The following PBRM1 variants were observed in gnomAD, a reference collection of about 807,000 sequenced individuals.
PBRM1 encodes the protein polybromo 1, also known as protein polybromo-1.
PBRM1 carries 27 observed loss-of-function variants against 194.5 expected under a neutral mutation model. That is an observed-to-expected ratio of 0.14 (90% confidence interval 0.10 to 0.19). The LOEUF (loss-of-function observed/expected upper bound fraction) is 0.19, where lower values mean the gene tolerates loss of function less well. Among genes scored for constraint, PBRM1 ranks in the 10% least tolerant of loss-of-function variants. The pLI, the probability that PBRM1 is intolerant of heterozygous loss-of-function variation, is 1.00. For synonymous variants in PBRM1, 655 were observed against 693.2 expected (o/e 0.94, Z 0.87); for missense variants, 1,466 against 2,077.2 (o/e 0.71, Z 5.72).
In PBRM1 at chr3:52,609,743, T is replaced by C. The variant is rs2094518225; in HGVS notation, c.2137A>G (p.Met713Val). The change falls in exon 16 of 30, where the codon ATG (methionine) becomes GTG (valine). Residue 713 changes from methionine to valine, a missense_variant. Physicochemically the swap from Met to Val is conservative, Grantham distance 21. This residue lies in a region of PBRM1 where 687 missense variants were observed against 946.2 expected (regional missense o/e 0.73). Coordinates refer to ENST00000296302, the Ensembl canonical transcript of PBRM1. The surrounding 1 kb of genome is among the most constrained non-coding windows in gnomAD (Gnocchi z 4.1). ...ATATCTTGGTACTTGTTGGCCATCA[T>C]GTGACTTCGAATTTTTTCCATGTCC... The C allele has an allele frequency of 1.9e-6, 3 of 1,608,120 alleles. No individual in the cohort carries two copies. Among genetic ancestry groups the C allele is most frequent in the Non-Finnish European group, 2.5e-6 (3 of 1,177,978 alleles).
rs368376219 is a variant in PBRM1 at position 52,586,693 on chromosome 3, G to C, written c.3124-5C>G. On this transcript the variant is annotated splice_polypyrimidine_tract_variant and splice_region_variant and intron_variant, in intron 19 of 29. Transcript: ENST00000296302. ...TGGGCATAACTTAAAGTATTCCTGG[G>C]GGGTGGGGAGGGCATAAGAATAAAA... 6 of 1,586,272 alleles carry C rather than the reference G, an allele frequency of 3.8e-6. No homozygotes were observed. Among genetic ancestry groups the C allele is most frequent in the East Asian group, 2.2e-5 (1 of 44,636 alleles).
intron 3 of PBRM1, among the ~76,000 whole-genome samples, chr3:52,666,099 GA>G (rs1448320994): frequency 6.6e-6 from 1 of 152,150 alleles, no homozygotes; most frequent in Non-Finnish European, 1.5e-5. Flanking sequence ...AAGGCATAGA[GA>G]AAAAAATAAC....
chr3:52,587,615 G>A (rs1278819771), intron 18 of PBRM1, 105 bp from the exon 21 acceptor site: 2 of 825,988 alleles, frequency 2.4e-6, no homozygotes, highest in East Asian at 2.9e-5. Context: ...TCACTACGTT[G>A]CCCAGGCTGG....
At chr3:52,628,991 T>C (rs758971781) in exon 12 of PBRM1, 3 of 1,607,206 alleles carry the variant, frequency 1.9e-6, no homozygotes, top group Non-Finnish European at 2.6e-6. Flanking sequence ...CAGATCACAC[T>C]CCAAATGATC....
chr3:52,593,659 T>C (rs2093310728), intron 17 of PBRM1, among the ~76,000 whole-genome samples: 1 of 152,262 alleles, frequency 6.6e-6, no homozygotes, highest in East Asian at 1.9e-4. Context: ...AAAGAACTTC[T>C]TGATATCTAC....
intron 4 of PBRM1, among the ~76,000 whole-genome samples, chr3:52,660,507 C>T (rs2153893181): frequency 6.6e-6 from 1 of 151,808 alleles, no homozygotes; most frequent in Admixed American, 6.6e-5. Context: ...GTATATCTAT[C>T]TATCTATCTA....
At chr3:52,594,209 G>C (rs1309724474) in intron 17 of PBRM1, among the ~76,000 whole-genome samples, 1 of 152,110 alleles carries the variant, frequency 6.6e-6, no homozygotes, top group Non-Finnish European at 1.5e-5. Context: ...GTGTGGGAGT[G>C]TAAGCCTCTC....
chr3:52,681,707 A>G, upstream of PBRM1: 1 of 1,015,068 alleles, frequency 9.9e-7, no homozygotes, highest in South Asian at 4.6e-5. Context: ...GCTTTACCAG[A>G]GCACAACCAG....
intron 16 of PBRM1, 59 bp from the exon 19 acceptor site, chr3:52,603,791 TTA>T: frequency 1.4e-6 from 2 of 1,420,448 alleles, no homozygotes; most frequent in Non-Finnish European, 1.9e-6. Flanking sequence ...AACACCTCAA[TTA>T]TATGTTAAAT....
chr3:52,660,273 C>T (rs967173683), intron 4 of PBRM1, among the ~76,000 whole-genome samples: 13 of 152,208 alleles, frequency 8.5e-5, no homozygotes, highest in African/African-American at 1.2e-4. Context: ...AGTGTTCTAC[C>T]GAAGAAAGCA....
intron 22 of PBRM1, 127 bp from the exon 25 acceptor site, chr3:52,564,360 G>T: frequency 1.4e-6 from 1 of 718,052 alleles, no homozygotes; most frequent in Non-Finnish European, 2.3e-6. Flanking sequence ...TATGAAAGGG[G>T]CTAGGCATGG....
intron 2 of PBRM1, among the ~76,000 whole-genome samples, chr3:52,672,430 C>G (rs1305537620): frequency 6.6e-6 from 1 of 150,398 alleles, no homozygotes; most frequent in Non-Finnish European, 1.5e-5. Flanking sequence ...AGTTTTCTGA[C>G]TAACACACTC....
upstream of PBRM1, chr3:52,682,017 T>C (rs1561178530): frequency 6.4e-6 from 1 of 155,514 alleles, no homozygotes; most frequent in Non-Finnish European, 1.4e-5. Context: ...TAACAGTACC[T>C]GACAGTTCTT....
At chr3:52,566,284 T>C (rs577654913) in intron 22 of PBRM1, among the ~76,000 whole-genome samples, 1 of 152,212 alleles carries the variant, frequency 6.6e-6, no homozygotes, top group Non-Finnish European at 1.5e-5. Context: ...ATTTAGGCAG[T>C]TTCTCCAAAA....
intron 4 of PBRM1, among the ~76,000 whole-genome samples, chr3:52,661,446 A>T (rs1350151668): frequency 6.6e-6 from 1 of 152,232 alleles, no homozygotes; most frequent in Non-Finnish European, 1.5e-5. Context: ...TACTTGGGGA[A>T]AGAGAGAAAA....
rs550290876 is a variant in PBRM1 at position 52,609,218 on chromosome 3, T to G, written c.2567+95A>C. The G allele has an allele frequency of 3.1e-6, 3 of 954,308 alleles. No individual in the cohort carries two copies. Among genetic ancestry groups the G allele is most frequent in the African/African-American group, 1.6e-5 (1 of 60,812 alleles). 59.1% of individuals were successfully genotyped at this position (954,308 alleles called of 1,614,324 possible). A position where few individuals can be genotyped will look rare whatever the true frequency, so the allele number is the denominator to read the frequency against. The stretch of plus-strand genomic sequence containing the variant: ...CATGCTACCAACTACAAATCATGTA[T>G]GTAAGTGGAAATAGTACATCAAAGC... On this transcript the variant is annotated intron_variant, in intron 16 of 29. Transcript: ENST00000296302. The surrounding 1 kb of genome is among the most constrained non-coding windows in gnomAD (Gnocchi z 4.1).
intron 17 of PBRM1, among the ~76,000 whole-genome samples, chr3:52,591,345 G>A (rs1053902228): frequency 6.6e-6 from 1 of 152,044 alleles, no homozygotes; most frequent in African/African-American, 2.4e-5. Context: ...GTTTTCAAAG[G>A]GAATGTTTCC....
intron 22 of PBRM1, among the ~76,000 whole-genome samples, chr3:52,567,844 T>G (rs2153568430): frequency 6.7e-6 from 1 of 149,646 alleles, no homozygotes; most frequent in African/African-American, 2.5e-5. Context: ...AAATGGGGTT[T>G]CACCATGTTG....
At chr3:52,634,456 A>AT in intron 11 of PBRM1, 146 bp downstream of exon 12, 6 of 538,608 alleles carry the variant, frequency 1.1e-5, no homozygotes, top group Non-Finnish European at 1.6e-5. Flanking sequence ...AAAAAAAAAA[A>AT]GGTAATGAAC....
Sources: allele counts gnomAD v4.1 joint callset (sites outside exome capture counted in the v4.1 genomes callset), GRCh38; gene constraint gnomAD v4.1.1; regional missense constraint gnomAD v4.1.1; non-coding constraint Gnocchi (gnomAD v3.1); transcripts MANE v1.5; gene names NCBI Gene and HGNC (gene_info 2026-07-23, HGNC 2026-07-21).